The following IL1RAPL2 variants were observed in gnomAD, a reference collection of about 807,000 sequenced individuals.
The protein encoded by IL1RAPL2 is X-linked interleukin-1 receptor accessory protein-like 2.
In IL1RAPL2, 3 loss-of-function variants were observed where a neutral mutation model predicts 44.1. The ratio of observed to expected loss-of-function variants is 0.07; its 90% CI spans 0.03 to 0.18. IL1RAPL2 has a LOEUF of 0.18. Among genes scored for constraint, IL1RAPL2 ranks in the 10% least tolerant of loss-of-function variants. The probability of loss-of-function intolerance (pLI) is 1.00; values close to 1 mark genes in which losing one functional copy is unlikely to be tolerated. For missense variants in IL1RAPL2, 391 were observed against 496.4 expected (o/e 0.79, Z 2.02); for synonymous variants, 181 against 178.8 (o/e 1.01, Z -0.10).
intron 2 of IL1RAPL2, among the ~76,000 whole-genome samples, chrX:104,848,482 A>G (rs1261131508): frequency 1.0e-5 from 1 of 95,522 alleles, no homozygotes; most frequent in Admixed American, 1.2e-4. Flanking sequence ...GTTTCTTTAA[A>G]TCTTGTTTTT....
chrX:104,772,887 G>A (rs182448028), intron 2 of IL1RAPL2, among the ~76,000 whole-genome samples: 8 of 111,202 alleles, frequency 7.2e-5, no homozygotes, highest in Admixed American at 6.7e-4. Context: ...AATACTTCAG[G>A]GTACCACAGG....
intron 7 of IL1RAPL2, among the ~76,000 whole-genome samples, chrX:105,724,375 T>G (rs148546923): frequency 0.017 from 1,909 of 110,872 alleles, 28 homozygotes; most frequent in Non-Finnish European, 0.023. Flanking sequence ...TTGTTTGCTC[T>G]CTGGGTCAGT....
intron 2 of IL1RAPL2, among the ~76,000 whole-genome samples, chrX:105,178,239 CTG>C (rs898937743): frequency 2.7e-5 from 3 of 111,250 alleles, no homozygotes; most frequent in African/African-American, 9.8e-5. Flanking sequence ...GTTTGACATT[CTG>C]TGACTGGCTT....
intron 2 of IL1RAPL2, among the ~76,000 whole-genome samples, chrX:104,671,196 GCA>G (rs1232393118): frequency 9.2e-6 from 1 of 109,042 alleles, no homozygotes; most frequent in Non-Finnish European, 1.9e-5. Context: ...ACACACACAC[GCA>G]CACACACAAA....
At chrX:105,315,578 G>GTGTATATA (rs1433365173) in intron 5 of IL1RAPL2, among the ~76,000 whole-genome samples, 5 of 21,815 alleles carry the variant, frequency 2.3e-4, no homozygotes, top group African/African-American at 3.7e-4. Context: ...ACTAATGGAT[G>GTGTATATA]TATATATATA....
intron 5 of IL1RAPL2, among the ~76,000 whole-genome samples, chrX:105,435,155 G>C (rs1019918809): frequency 1.8e-5 from 2 of 111,697 alleles, no homozygotes; most frequent in African/African-American, 6.5e-5. Flanking sequence ...TGATGCTCCA[G>C]CTTTGTTCTT....
At chrX:104,954,676 A>G (rs1925667913) in intron 2 of IL1RAPL2, among the ~76,000 whole-genome samples, 1 of 112,107 alleles carries the variant, frequency 8.9e-6, no homozygotes, top group Non-Finnish European at 1.9e-5. Context: ...AGCTAGGACT[A>G]CAGGCACTGA....
At chrX:105,614,401 C>A (rs1337928074) in intron 6 of IL1RAPL2, among the ~76,000 whole-genome samples, 1 of 111,934 alleles carries the variant, frequency 8.9e-6, no homozygotes, top group Non-Finnish European at 1.9e-5. Context: ...GTCACATTAT[C>A]TGATTTTAAT....
At chrX:105,702,251 A>G (rs750499952) in intron 6 of IL1RAPL2, among the ~76,000 whole-genome samples, 5 of 111,407 alleles carry the variant, frequency 4.5e-5, no homozygotes, top group Admixed American at 9.5e-5. Flanking sequence ...GTTGTGAATA[A>G]TCGGTTGGTG....
intron 5 of IL1RAPL2, among the ~76,000 whole-genome samples, chrX:105,270,003 T>A (rs1002039052): frequency 1.2e-4 from 14 of 112,172 alleles, no homozygotes; most frequent in Admixed American, 1.2e-3. Context: ...ACTACAGATC[T>A]AAAATTTCAC....
intron 6 of IL1RAPL2, among the ~76,000 whole-genome samples, chrX:105,584,234 A>G (rs200903058): frequency 1.8e-5 from 2 of 111,655 alleles, no homozygotes; most frequent in East Asian, 5.6e-4. Flanking sequence ...GGATTTGTCT[A>G]TCTCTCTTTT....
chrX:105,638,142 T>A (rs1229816030), intron 6 of IL1RAPL2, among the ~76,000 whole-genome samples: 1 of 112,104 alleles, frequency 8.9e-6, no homozygotes, highest in Non-Finnish European at 1.9e-5. Context: ...CAAATGGGAA[T>A]AACCATACAT....
At chrX:105,406,298 A>G (rs2035643902) in intron 5 of IL1RAPL2, 1 of 1,027,378 alleles carries the variant, frequency 9.7e-7, no homozygotes, top group Admixed American at 2.2e-5. Context: ...AATTGACCGA[A>G]GTCCTGAGTA....
At chrX:104,887,206 G>T (rs1602782696) in intron 2 of IL1RAPL2, among the ~76,000 whole-genome samples, 1 of 112,441 alleles carries the variant, frequency 8.9e-6, no homozygotes, top group South Asian at 3.7e-4. Flanking sequence ...TAATCAAGGA[G>T]ACCCAGAGGG....
At chrX:105,362,409 T>C (rs2035254258) in intron 5 of IL1RAPL2, among the ~76,000 whole-genome samples, 1 of 111,439 alleles carries the variant, frequency 9.0e-6, no homozygotes, top group Non-Finnish European at 1.9e-5. Context: ...ATAAGGTAGA[T>C]AATAAAATTT....
chrX:104,981,183 G>A (rs1348494803), intron 2 of IL1RAPL2, among the ~76,000 whole-genome samples: 3 of 108,357 alleles, frequency 2.8e-5, no homozygotes, highest in African/African-American at 1.0e-4. Context: ...TTATTATATG[G>A]GTAAATTCTG....
intron 6 of IL1RAPL2, among the ~76,000 whole-genome samples, chrX:105,546,280 T>A (rs1464809701): frequency 2.7e-5 from 3 of 112,042 alleles, no homozygotes; most frequent in Non-Finnish European, 3.8e-5. Flanking sequence ...TTTACATTTA[T>A]TCCTTCATTC....
intron 2 of IL1RAPL2, among the ~76,000 whole-genome samples, chrX:104,853,645 T>C (rs891198317): frequency 9.1e-6 from 1 of 109,904 alleles, no homozygotes; most frequent in East Asian, 2.9e-4. Context: ...TAGCCAGTAC[T>C]GTAATCCCAG....
At chrX:104,930,967 C>A (rs1475154515) in intron 2 of IL1RAPL2, among the ~76,000 whole-genome samples, 1 of 110,976 alleles carries the variant, frequency 9.0e-6, no homozygotes, top group Non-Finnish European at 1.9e-5. Context: ...CATACTGTAC[C>A]AATAAAGGAC....
Sources: gnomAD v4.1 joint callset for allele counts (sites outside exome capture counted in the v4.1 genomes callset) on GRCh38, gnomAD v4.1.1 for gene constraint, MANE v1.5 for transcripts, NCBI Gene and HGNC (gene_info 2026-07-23, HGNC 2026-07-21) for gene names.